The following PTPRU variants were observed in gnomAD, a reference collection of about 807,000 sequenced individuals.
PTPRU encodes the protein receptor-type tyrosine-protein phosphatase U.
Under a neutral mutation model 166.3 loss-of-function variants are expected in PTPRU, and 69 were observed. The observed-to-expected ratio is 0.41, with a 90% CI of 0.34 to 0.51. The LOEUF (loss-of-function observed/expected upper bound fraction) is 0.51. PTPRU is among the 20% of genes least tolerant of loss of function. The probability of loss-of-function intolerance (pLI) is 0.09; values close to 1 mark genes in which losing one functional copy is unlikely to be tolerated. For synonymous variants in PTPRU, 793 were observed against 814.0 expected (o/e 0.97, Z 0.44); for missense variants, 1,657 against 2,013.7 (o/e 0.82, Z 3.39).
chr1:29,266,364 G>A (rs1685305005), intron 7 of PTPRU, among the ~76,000 whole-genome samples: 1 of 152,044 alleles, frequency 6.6e-6, no homozygotes, highest in South Asian at 2.1e-4. Context: ...TCTATTTTGG[G>A]TAAAGTGTGA....
rs1687257052 is a variant in PTPRU at position 29,303,902 on chromosome 1, G to A, written c.2524G>A (p.Gly842Ser). Residue 842 changes from glycine (G) to serine (S), a missense_variant, in exon 16 of 30, where the codon GGC becomes AGC. Physicochemically the swap from Gly to Ser is moderately conservative, Grantham distance 56. This residue lies in a region of PTPRU where 1,190 missense variants were observed against 1,477.4 expected (regional missense o/e 0.81). Coordinates refer to ENST00000373779, the MANE Select transcript of PTPRU (RefSeq NM_133178.4). ...CACTGAGGCCAGCAGCCTCCTGGGG[G>A]GCTCCCCGAGGCGTCCCTGTGGCCG... ...GVTEASSLLG[G>S]SPRRPCGRKG... 6.2e-7 allele frequency: 1 copy of A among 1,613,508 alleles called. No individual in the cohort carries two copies. Among genetic ancestry groups the A allele is most frequent in the African/African-American group, 1.3e-5 (1 of 74,930 alleles).
intron 7 of PTPRU, among the ~76,000 whole-genome samples, chr1:29,264,500 A>G (rs1412055302): frequency 2.7e-5 from 4 of 148,128 alleles, no homozygotes; most frequent in African/African-American, 7.5e-5. Flanking sequence ...TAGGGATCCA[A>G]CCTCATTCTT....
chr1:29,242,711 A>G (rs1684111465), intron 1 of PTPRU, among the ~76,000 whole-genome samples: 1 of 152,042 alleles, frequency 6.6e-6, no homozygotes. Flanking sequence ...GGCCTGCAGC[A>G]CCTTCAGTGA....
rs773558468 is a variant in PTPRU, at chr1:29,325,620, G to A, written c.4270G>A (p.Asp1424Asn). The A allele has an allele frequency of 2.5e-6, 4 of 1,613,090 alleles. No individual in the cohort carries two copies. Among genetic ancestry groups the A allele is most frequent in the East Asian group, 2.2e-5 (1 of 44,874 alleles). ...ETMDQYHFCY[D>N]VALEYLEGLE... Reference sequence around the variant, plus strand: ...CCAGGATCAGTACCACTTTTGCTACGATGTGGCCCTGGAGTACTTGGAGGG... The same window carrying A: ...CCAGGATCAGTACCACTTTTGCTACAATGTGGCCCTGGAGTACTTGGAGGG... The change falls in exon 30 of 30, where the codon GAT becomes AAT. Residue 1424 changes from aspartate to asparagine, a missense_variant. Around this residue, in one of 3 missense-constraint regions of PTPRU, gnomAD observed 1,190 missense variants for 1,477.4 expected, o/e 0.81. Transcript: ENST00000373779.
chr1:29,267,834 G>A (rs976030695), intron 7 of PTPRU, among the ~76,000 whole-genome samples: 15 of 152,316 alleles, frequency 9.8e-5, no homozygotes, highest in Non-Finnish European at 1.6e-4. Context: ...CAAAGGTGCC[G>A]CAGAGACCAG....
rs1359275159 is a variant in PTPRU at position 29,260,800 on chromosome 1, C to T, written c.1041C>T (p.Leu347=). Residue 347 remains leucine (L), a synonymous_variant, in exon 7 of 30, where the codon CTC becomes CTT. Transcript: ENST00000373779. This position sits in a 1 kb window ranked among gnomAD's most constrained non-coding sequence, Gnocchi z 8.3. The part of the protein sequence containing the change: ...VSLQTYKLWH[L]DPDTEYEISV... The stretch of plus-strand genomic sequence containing the variant: ...TGCAGACCTACAAGCTGTGGCACCT[C>T]GACCCCGACACAGAGTATGAGATCA... The T allele has an allele frequency of 1.2e-6, 2 of 1,613,416 alleles. No individual in the cohort carries two copies. Among genetic ancestry groups the T allele is most frequent in the South Asian group, 1.1e-5 (1 of 91,042 alleles).
chr1:29,279,299 G>A lies in PTPRU; in HGVS notation c.1564-157G>A, dbSNP rs1399311298. On this transcript the variant is annotated intron_variant, in intron 9 of 29. Coordinates refer to ENST00000373779, the MANE Select transcript of PTPRU (RefSeq NM_133178.4). The surrounding 1 kb of genome is among the most constrained non-coding windows in gnomAD (Gnocchi z 5.2). ...TAGAGGAGGGTCCTGAAGGCAGGAG[G>A]GAGAGCCGAAGATGACTAGAAGCCT... Among the ~76,000 whole-genome samples, 3 of 152,166 alleles carry A rather than the reference G, an allele frequency of 2.0e-5. No individual in the cohort carries two copies. The highest frequency in any genetic ancestry group is 4.4e-5 in the Non-Finnish European group (3 of 68,026).
At chr1:29,316,325 G>C (rs1036039367) in intron 24 of PTPRU, among the ~76,000 whole-genome samples, 174 bp downstream of exon 24, 5 of 152,164 alleles carry the variant, frequency 3.3e-5, no homozygotes, top group African/African-American at 4.8e-5. Flanking sequence ...GGAAGATGGG[G>C]TGCATCAAAG....
In PTPRU at chr1:29,236,523, G is replaced by C; in HGVS notation, c.-122G>C. 1 of 750,660 alleles carries C rather than the reference G, an allele frequency of 1.3e-6. No homozygotes were observed. Among genetic ancestry groups the C allele is most frequent in the South Asian group, 6.2e-5 (1 of 16,204 alleles). The allele number at this position is 750,660 out of a possible 1,614,324, so 46.5% of individuals were successfully genotyped here. ...GGCTCGCGCTCTGGACTCGGCGCCA[G>C]TCCCGCTCCGCGCCGCGCCGCTCCG... On this transcript the variant is annotated 5_prime_UTR_variant, in exon 1 of 30. Transcript: ENST00000373779. This position sits in a 1 kb window ranked among gnomAD's most constrained non-coding sequence, Gnocchi z 4.6.
At chr1:29,254,000 T>G (rs755459250) in intron 1 of PTPRU, among the ~76,000 whole-genome samples, 14 of 152,188 alleles carry the variant, frequency 9.2e-5, no homozygotes, top group Non-Finnish European at 1.8e-4. Flanking sequence ...CAGTCAAGAT[T>G]TGATCCCAAG....
intron 7 of PTPRU, among the ~76,000 whole-genome samples, chr1:29,272,440 A>T (rs1465895103): frequency 6.6e-6 from 1 of 152,164 alleles, no homozygotes; most frequent in African/African-American, 2.4e-5. Context: ...CCTGCATTCC[A>T]GGGAAGAAAG....
chr1:29,316,806 G>A (rs934267319), intron 24 of PTPRU, among the ~76,000 whole-genome samples: 1 of 152,206 alleles, frequency 6.6e-6, no homozygotes, highest in African/African-American at 2.4e-5. Flanking sequence ...CCCTGGACCA[G>A]TCACAGGTTG....
chr1:29,316,493 G>A (rs901424263), intron 24 of PTPRU, among the ~76,000 whole-genome samples: 2 of 152,170 alleles, frequency 1.3e-5, no homozygotes, highest in African/African-American at 4.8e-5. Flanking sequence ...CCCTTGGGGT[G>A]TTTGTATTCA....
chr1:29,283,643 T>C, intron 12 of PTPRU: 1 of 448,718 alleles, frequency 2.2e-6, no homozygotes. Flanking sequence ...ACTTCCTAGC[T>C]GGACCTCTGG....
intron 17 of PTPRU, 29 bp downstream of exon 17, chr1:29,304,878 A>G (rs1687310779): frequency 1.3e-6 from 2 of 1,539,532 alleles, no homozygotes; most frequent in Non-Finnish European, 1.8e-6. Context: ...CCTGGGGTCC[A>G]GGGCAGTGGG....
chr1:29,286,421 GA>G (rs1048893707), intron 14 of PTPRU, among the ~76,000 whole-genome samples: 1 of 151,764 alleles, frequency 6.6e-6, no homozygotes, highest in African/African-American at 2.4e-5. Flanking sequence ...CTTTTTTTTG[GA>G]TGAAGAAACT....
At chr1:29,309,678 T>C (rs951583235) in intron 18 of PTPRU, among the ~76,000 whole-genome samples, 1 of 152,228 alleles carries the variant, frequency 6.6e-6, no homozygotes, top group African/African-American at 2.4e-5. Flanking sequence ...TATTCCATTT[T>C]ATAGACATGA....
intron 1 of PTPRU, among the ~76,000 whole-genome samples, chr1:29,246,121 A>G (rs1183486627): frequency 6.6e-6 from 1 of 152,230 alleles, no homozygotes; most frequent in Non-Finnish European, 1.5e-5. Context: ...CCACAGTTGC[A>G]TTGTACCAAC....
At position 29,275,384 on chromosome 1, in the gene PTPRU, GTTC is replaced by G. The variant is rs1685745769; in HGVS notation, c.1145-57_1145-55del. The G allele has an allele frequency of 1.4e-5, 21 of 1,464,668 alleles. No homozygotes were observed. The East Asian group carries it at 4.5e-4, about 31-fold the overall frequency. 90.7% of individuals were successfully genotyped at this position (1,464,668 alleles called of 1,614,324 possible). On this transcript the variant is annotated intron_variant, in intron 7 of 29. Transcript: ENST00000373779. The stretch of plus-strand genomic sequence containing the variant: ...CAGCTGACTGATGCTTTCTCTCCCT[GTTC>G]TTCTTCCTCTTCTCTTCCCATTTCT...
Sources: allele counts gnomAD v4.1 joint callset (sites outside exome capture counted in the v4.1 genomes callset), GRCh38; gene constraint gnomAD v4.1.1; regional missense constraint gnomAD v4.1.1; non-coding constraint Gnocchi (gnomAD v3.1); transcripts MANE v1.5; gene names NCBI Gene and HGNC (gene_info 2026-07-23, HGNC 2026-07-21).